CA5A: variants seen among roughly 807,000 people sequenced by gnomAD.
The protein encoded by CA5A is carbonic anhydrase 5A, mitochondrial.
In CA5A, 28 loss-of-function variants were observed where a neutral mutation model predicts 37.1. The ratio of observed to expected loss-of-function variants is 0.75; its 90% CI spans 0.56 to 1.03. The LOEUF (loss-of-function observed/expected upper bound fraction) is 1.03, where lower values mean the gene tolerates loss of function less well. Among genes scored for constraint, CA5A ranks in the 50% least tolerant of loss-of-function variants. The pLI is 0.00. For synonymous variants in CA5A, 171 were observed against 158.4 expected (o/e 1.08, Z -0.60); for missense variants, 444 against 399.9 (o/e 1.11, Z -0.94).
At chr16:87,899,092 C>T (rs1398993194) in intron 5 of CA5A, among the ~76,000 whole-genome samples, 1 of 151,930 alleles carries the variant, frequency 6.6e-6, no homozygotes, top group East Asian at 1.9e-4. Flanking sequence ...CTCAGAGGTG[C>T]GCAGCTCAGG....
chr16:87,912,770 G>C (rs2056070310), intron 2 of CA5A, among the ~76,000 whole-genome samples: 1 of 152,216 alleles, frequency 6.6e-6, no homozygotes, highest in African/African-American at 2.4e-5. Flanking sequence ...CCTGAAGATG[G>C]GTTTCTATTT....
intron 2 of CA5A, chr16:87,923,707 C>A: frequency 2.0e-6 from 2 of 985,312 alleles, no homozygotes; most frequent in Non-Finnish European, 2.4e-6. Flanking sequence ...AAACAAAAGT[C>A]CAAAATAACC....
chr16:87,935,468 G>C (rs1462354748), intron 1 of CA5A, among the ~76,000 whole-genome samples: 1 of 152,184 alleles, frequency 6.6e-6, no homozygotes, highest in Non-Finnish European at 1.5e-5. Flanking sequence ...ATGGTGAGTC[G>C]TGCCAGTGTG....
chr16:87,916,193 C>A (rs993630245), intron 2 of CA5A, among the ~76,000 whole-genome samples: 5 of 148,718 alleles, frequency 3.4e-5, no homozygotes, highest in African/African-American at 1.3e-4. Flanking sequence ...AAAAAACCAT[C>A]GGATTGGCTG....
intron 2 of CA5A, among the ~76,000 whole-genome samples, chr16:87,926,326 C>A (rs370337890): frequency 3.3e-4 from 51 of 152,312 alleles, no homozygotes; most frequent in Middle Eastern, 6.8e-3. Context: ...TGCTGTGGAC[C>A]CAACTTCCTT....
intron 1 of CA5A, among the ~76,000 whole-genome samples, chr16:87,935,788 A>T (rs1201537665): frequency 2.0e-5 from 3 of 152,122 alleles, no homozygotes; most frequent in African/African-American, 7.2e-5. Flanking sequence ...AGGCAGGAGA[A>T]TCACTTGAAC....
chr16:87,929,885 A>AG (rs1405883243), intron 1 of CA5A, among the ~76,000 whole-genome samples: 2 of 151,538 alleles, frequency 1.3e-5, no homozygotes, highest in Non-Finnish European at 2.9e-5. Context: ...AAAAAAAAAA[A>AG]AAAAAAAAAA....
chr16:87,923,220 G>A (rs2056254510), intron 2 of CA5A, among the ~76,000 whole-genome samples: 1 of 152,040 alleles, frequency 6.6e-6, no homozygotes, highest in Non-Finnish European at 1.5e-5. Flanking sequence ...ATGGAGTCTC[G>A]CTCTGTCACC....
chr16:87,925,802 C>G (rs2056297972), intron 2 of CA5A, among the ~76,000 whole-genome samples: 1 of 152,122 alleles, frequency 6.6e-6, no homozygotes, highest in South Asian at 2.1e-4. Flanking sequence ...AAGTCACCTC[C>G]CAGCCCACCC....
chr16:87,929,794 C>T (rs1339354531), intron 1 of CA5A, among the ~76,000 whole-genome samples: 1 of 132,142 alleles, frequency 7.6e-6, no homozygotes, highest in East Asian at 2.2e-4. Context: ...ATGGCGTGAG[C>T]CCGGGAGGCG....
intron 1 of CA5A, among the ~76,000 whole-genome samples, chr16:87,935,078 G>C (rs191592274): frequency 6.6e-5 from 10 of 152,254 alleles, no homozygotes; most frequent in Non-Finnish European, 1.5e-4. Flanking sequence ...GGACACAGAG[G>C]CTTGGGGGTG....
intron 2 of CA5A, among the ~76,000 whole-genome samples, chr16:87,908,966 G>C (rs990919775): frequency 2.6e-5 from 4 of 151,376 alleles, no homozygotes; most frequent in Non-Finnish European, 5.9e-5. Flanking sequence ...TGGGACTACA[G>C]GTGCGCACCA....
At chr16:87,914,221 A>G (rs964761079) in intron 2 of CA5A, among the ~76,000 whole-genome samples, 5 of 152,228 alleles carry the variant, frequency 3.3e-5, no homozygotes, top group African/African-American at 1.2e-4. Context: ...AGGAGCTCCG[A>G]GCAGTGGCGA....
At chr16:87,896,973 C>G (rs1046318221) in intron 5 of CA5A, among the ~76,000 whole-genome samples, 14 of 152,238 alleles carry the variant, frequency 9.2e-5, no homozygotes, top group African/African-American at 3.1e-4. Flanking sequence ...CAGGACCCCA[C>G]ATTTTATGAG....
intron 1 of CA5A, among the ~76,000 whole-genome samples, chr16:87,930,472 T>C (rs1476660195): frequency 1.3e-5 from 2 of 152,128 alleles, no homozygotes; most frequent in African/African-American, 4.8e-5. Flanking sequence ...CTCCGGACCC[T>C]TCCCCAGTGG....
At chr16:87,922,459 C>T (rs1196152476) in intron 2 of CA5A, among the ~76,000 whole-genome samples, 1 of 152,214 alleles carries the variant, frequency 6.6e-6, no homozygotes, top group East Asian at 1.9e-4. Context: ...GATACAGAAA[C>T]ATCTAGATTC....
intron 3 of CA5A, 64 bp downstream of exon 3, chr16:87,904,722 C>G (rs965302380): frequency 2.5e-5 from 25 of 1,014,470 alleles, no homozygotes; most frequent in Non-Finnish European, 3.6e-5. Flanking sequence ...TTGTTCACCC[C>G]CCACCATAGA....
At chr16:87,924,675 C>G (rs369443251) in intron 2 of CA5A, among the ~76,000 whole-genome samples, 7 of 152,246 alleles carry the variant, frequency 4.6e-5, no homozygotes, top group African/African-American at 1.4e-4. Context: ...CAGACCTCCC[C>G]GTGACAGCAG....
At chr16:87,905,224 G>A (rs2143965525) in intron 2 of CA5A, among the ~76,000 whole-genome samples, 1 of 152,156 alleles carries the variant, frequency 6.6e-6, no homozygotes, top group East Asian at 1.9e-4. Flanking sequence ...TTTCTGTGAT[G>A]CCTGCCTGTC....
Sources: gnomAD v4.1 joint callset for allele counts (sites outside exome capture counted in the v4.1 genomes callset) on GRCh38, gnomAD v4.1.1 for gene constraint, MANE v1.5 for transcripts, NCBI Gene and HGNC (gene_info 2026-07-23, HGNC 2026-07-21) for gene names.